The following BRD4 variants were observed in gnomAD, a reference collection of about 807,000 sequenced individuals.
BRD4 encodes the protein bromodomain containing 4.
Under a neutral mutation model 142.1 loss-of-function variants are expected in BRD4, and 16 were observed. The observed-to-expected ratio is 0.11, with a 90% CI of 0.08 to 0.17. The LOEUF is 0.17. Ranked by LOEUF, BRD4 falls within the 10% of genes least tolerant of loss-of-function variation. The pLI, the probability that BRD4 is intolerant of heterozygous loss-of-function variation, is 1.00. For synonymous variants in BRD4, 833 were observed against 707.5 expected (o/e 1.18, Z -2.82); for missense variants, 1,424 against 1,810.9 (o/e 0.79, Z 3.88).
intron 11 of BRD4, chr19:15,248,617 T>C (rs1451885841): frequency 8.8e-6 from 2 of 226,534 alleles, no homozygotes; most frequent in African/African-American, 2.2e-5. Flanking sequence ...ACGGGAACAA[T>C]GGAGACGAAG....
chr19:15,247,316 G>A (rs897215623), intron 11 of BRD4: 16 of 231,216 alleles, frequency 6.9e-5, no homozygotes, highest in African/African-American at 2.4e-4. Flanking sequence ...GTCGAGGCCC[G>A]GCTGGCACTT....
intron 1 of BRD4, among the ~76,000 whole-genome samples, chr19:15,326,894 A>C (rs1411115983): frequency 6.6e-6 from 1 of 152,206 alleles, no homozygotes; most frequent in Non-Finnish European, 1.5e-5. Flanking sequence ...AACTGCTTTA[A>C]AACATCACCC....
In BRD4 at chr19:15,272,978, G is replaced by C. The variant is rs1042996398; in HGVS notation, c.122C>G (p.Ala41Gly). ...CTCTGGGGGCGGGGGGTTGGTGCTG[G>C]CTGCGTTGGCTGGCTGGGGTTGGGC... The part of the protein sequence containing the change: ...AQAQPQPANA[A>G]STNPPPPETS... Residue 41 changes from alanine (A) to glycine (G), a missense_variant, in exon 2 of 20, where the codon GCC becomes GGC. Transcript: ENST00000679869. 6.2e-6 allele frequency: 10 copies of C among 1,614,078 alleles called. No homozygotes were observed. In the African/African-American group the frequency reaches 6.7e-5, roughly 11 times the overall value.
At chr19:15,251,450 G>GGGT in intron 11 of BRD4, among the ~76,000 whole-genome samples, 2 of 106,518 alleles carry the variant, frequency 1.9e-5, no homozygotes, top group Admixed American at 8.6e-5. Flanking sequence ...GGGGGGGGGG[G>GGGT]GGGGGCGGGG....
chr19:15,267,301 A>ACGG (rs1211365194), intron 4 of BRD4, 115 bp downstream of exon 4: 8 of 1,317,178 alleles, frequency 6.1e-6, no homozygotes, highest in Non-Finnish European at 8.4e-6. Context: ...AAACACCAAC[A>ACGG]CGGCATGCAG....
Position 15,265,596 on chromosome 19 carries a change from A to G in BRD4, c.607T>C (p.Ser203Pro). Residue 203 changes from serine to proline, a missense_variant, in exon 5 of 20, where the codon TCG (serine) becomes CCG (proline). By Grantham distance (74) the Ser-to-Pro change is moderately conservative. This residue lies in a region of BRD4 where 140 missense variants were observed against 131.7 expected (regional missense o/e 1.06). Coordinates refer to ENST00000679869, the MANE Select transcript of BRD4 (RefSeq NM_001379291.1). ...GGGGTCTGGGTCTGCGGAGGAGTCGATGCTTGAGTTGTGTTTGGTACCGTG... is the reference window on the plus strand; with the variant it reads ...GGGGTCTGGGTCTGCGGAGGAGTCGGTGCTTGAGTTGTGTTTGGTACCGTG... The part of the protein sequence containing the change: ...VSTVPNTTQA[S>P]TPPQTQTPQP... 1 of 1,614,068 alleles carries G rather than the reference A, an allele frequency of 6.2e-7. No homozygotes were observed. The highest frequency in any genetic ancestry group is 8.5e-7 in the Non-Finnish European group (1 of 1,180,022).
rs749102193 is a variant in BRD4, at chr19:15,331,872, T to TTCCTCCTCC, written c.-35+409_-35+417dup. ...GCGCCGCGGACCCCGCGGCGGCCGC[T>TTCCTCCTCC]TCCTCCTCCTCCTCCTCCTCCTCAC... On this transcript the variant is annotated intron_variant, in intron 1 of 19. Coordinates refer to ENST00000679869, the MANE Select transcript of BRD4 (RefSeq NM_001379291.1). 5.0e-5 allele frequency: 7 copies of TTCCTCCTCC among 140,150 alleles called. No homozygotes were observed. The East Asian group carries it at 9.0e-4, about 18-fold the overall frequency. 8.7% of individuals were successfully genotyped at this position (140,150 alleles called of 1,614,324 possible).
At chr19:15,312,930 TCAAAA>T (rs1401199692) in intron 1 of BRD4, among the ~76,000 whole-genome samples, 3 of 151,264 alleles carry the variant, frequency 2.0e-5, no homozygotes, top group Admixed American at 6.6e-5. Flanking sequence ...AGCGAGACTC[TCAAAA>T]CAAAACAAAG....
Position 15,324,654 on chromosome 19 carries a change from A to C in BRD4, c.-35+7636T>G, listed in dbSNP as rs187879934. Among the ~76,000 whole-genome samples, 36 of 152,332 alleles carry C rather than the reference A, an allele frequency of 2.4e-4. 2 individuals carry two copies. The East Asian group carries it at 6.4e-3, about 27-fold the overall frequency. ...GAAAGATGTTCCAGTGTTCTGGAAA[A>C]ACTTTGGCCCACCAGTGCCTTCTGG... On this transcript the variant is annotated intron_variant, in intron 1 of 19. Transcript: ENST00000679869.
At chr19:15,288,500 G>A (rs756771617) in intron 1 of BRD4, among the ~76,000 whole-genome samples, 7 of 152,242 alleles carry the variant, frequency 4.6e-5, no homozygotes, top group African/African-American at 1.7e-4. Flanking sequence ...CTTCCCAGAA[G>A]ATGTTTATAA....
At chr19:15,326,194 T>G (rs1384315174) in intron 1 of BRD4, among the ~76,000 whole-genome samples, 1 of 144,368 alleles carries the variant, frequency 6.9e-6, no homozygotes, top group Non-Finnish European at 1.5e-5. Flanking sequence ...CTGTGGCTCA[T>G]GCCTGTAATC....
At chr19:15,312,003 G>A (rs1208976421) in intron 1 of BRD4, among the ~76,000 whole-genome samples, 4 of 152,190 alleles carry the variant, frequency 2.6e-5, no homozygotes, top group Admixed American at 1.3e-4. Context: ...TCTGCTGCAC[G>A]ACAATATGCA....
In BRD4 at chr19:15,238,751, G is replaced by A; in HGVS notation, c.4012C>T (p.Arg1338Trp). The change falls in exon 19 of 20, where the codon CGG (arginine) becomes TGG (tryptophan). Residue 1338 changes from arginine (R) to tryptophan (W), a missense_variant. Transcript: ENST00000679869. This position sits in a 1 kb window ranked among gnomAD's most constrained non-coding sequence, Gnocchi z 7.2. ...CAGGCCTCCAGACTCACGGCTTCCC[G>A]GCGTCTTCGCTCCTGCTCCCGCTTC... ...ARKREQERRRREAMAATIDMN... is the reference protein window; with the variant it reads ...ARKREQERRRWEAMAATIDMN... 1 of 1,545,546 alleles carries A rather than the reference G, an allele frequency of 6.5e-7. No homozygotes were observed. The highest frequency in any genetic ancestry group is 8.7e-7 in the Non-Finnish European group (1 of 1,143,894).
chr19:15,251,288 AC>A (rs1046115749), intron 11 of BRD4, among the ~76,000 whole-genome samples: 1 of 150,454 alleles, frequency 6.6e-6, no homozygotes, highest in African/African-American at 2.4e-5. Context: ...CATGTATCAC[AC>A]CCCCCAGCCT....
intron 1 of BRD4, among the ~76,000 whole-genome samples, chr19:15,302,871 G>A (rs1197781820): frequency 1.3e-5 from 2 of 151,084 alleles, no homozygotes; most frequent in Non-Finnish European, 2.9e-5. Context: ...AGCCAGGCGT[G>A]GTGGCGGTCA....
intron 1 of BRD4, among the ~76,000 whole-genome samples, chr19:15,293,458 G>A (rs373556098): frequency 6.6e-6 from 1 of 152,136 alleles, no homozygotes; most frequent in Admixed American, 6.5e-5. Context: ...TCGATAGCAG[G>A]AAAGCAGACA....
At chr19:15,305,216 T>C (rs775252376) in intron 1 of BRD4, among the ~76,000 whole-genome samples, 5 of 152,072 alleles carry the variant, frequency 3.3e-5, no homozygotes, top group Non-Finnish European at 7.4e-5. Context: ...GCTAATTTTG[T>C]ATTTTTAGTA....
chr19:15,289,909 G>A (rs1385461232), intron 1 of BRD4, among the ~76,000 whole-genome samples: 1 of 152,236 alleles, frequency 6.6e-6, no homozygotes, highest in Non-Finnish European at 1.5e-5. Context: ...GTGCTACAGG[G>A]CTCTCAGCAA....
intron 1 of BRD4, among the ~76,000 whole-genome samples, chr19:15,330,206 G>A (rs2048144888): frequency 6.6e-6 from 1 of 152,172 alleles, no homozygotes. Context: ...AAGCCATTCT[G>A]AGACCGGCTA....
Sources: allele counts gnomAD v4.1 joint callset (sites outside exome capture counted in the v4.1 genomes callset), GRCh38; gene constraint gnomAD v4.1.1; regional missense constraint gnomAD v4.1.1; non-coding constraint Gnocchi (gnomAD v3.1); transcripts MANE v1.5; gene names NCBI Gene and HGNC (gene_info 2026-07-23, HGNC 2026-07-21).